The following ODAD2 variants were observed in gnomAD, a reference collection of about 807,000 sequenced individuals.
ODAD2 encodes outer dynein arm-docking complex subunit 2.
A neutral mutation model predicts 106.8 loss-of-function variants in ODAD2; 89 were observed. That is an observed-to-expected ratio of 0.83 (90% CI 0.70 to 0.99). The LOEUF (loss-of-function observed/expected upper bound fraction) is 0.99, where lower values mean the gene tolerates loss of function less well. ODAD2 is among the 50% of genes least tolerant of loss of function. The probability of loss-of-function intolerance (pLI) is 0.00; values close to 1 mark genes in which losing one functional copy is unlikely to be tolerated. For synonymous variants in ODAD2, 404 were observed against 436.2 expected (o/e 0.93, Z 0.92); for missense variants, 1,168 against 1,238.5 (o/e 0.94, Z 0.85).
At chr10:27,812,782 G>C (rs892708100) in intron 19 of ODAD2, among the ~76,000 whole-genome samples, 157 bp from the exon 20 acceptor site, 2 of 152,188 alleles carry the variant, frequency 1.3e-5, no homozygotes, top group Non-Finnish European at 2.9e-5. Context: ...AATATAAACA[G>C]TGTTTAATCT....
At chr10:27,985,702 T>A (rs1849836275) in intron 3 of ODAD2, among the ~76,000 whole-genome samples, 3 of 152,058 alleles carry the variant, frequency 2.0e-5, no homozygotes, top group African/African-American at 7.2e-5. Flanking sequence ...TAGCACTCTT[T>A]TGCAAGTATT....
At chr10:27,885,837 A>G (rs1842168748) in intron 17 of ODAD2, among the ~76,000 whole-genome samples, 1 of 100,098 alleles carries the variant, frequency 1.0e-5, no homozygotes, top group African/African-American at 4.0e-5. Context: ...AAATATATAT[A>G]TTTGTTTGGA....
At chr10:27,830,640 A>C (rs1442906908) in intron 19 of ODAD2, among the ~76,000 whole-genome samples, 1 of 152,230 alleles carries the variant, frequency 6.6e-6, no homozygotes, top group Non-Finnish European at 1.5e-5. Flanking sequence ...CCCTAAAATG[A>C]TACATGAAGA....
At position 27,940,430 on chromosome 10, in the gene ODAD2, T is replaced by C. The variant is rs537982087; in HGVS notation, c.1986+133A>G. The C allele has an allele frequency of 6.8e-6, 7 of 1,033,132 alleles. No individual in the cohort carries two copies. In the South Asian group the frequency reaches 1.2e-4, roughly 17 times the overall value. 64.0% of individuals were successfully genotyped at this position (1,033,132 alleles called of 1,614,324 possible). On this transcript the variant is annotated intron_variant, in intron 13 of 19. Coordinates refer to ENST00000305242, the MANE Select transcript of ODAD2 (RefSeq NM_018076.5). ...TTTAATTAACGTCCTATCAGTTGGA[T>C]CTTCTCTTTCTCATAGAATGCTGAC...
Position 27,971,679 on chromosome 10 carries a change from C to T in ODAD2, c.937-366G>A, listed in dbSNP as rs138486505. On this transcript the variant is annotated intron_variant, in intron 7 of 19. Coordinates refer to ENST00000305242, the MANE Select transcript of ODAD2 (RefSeq NM_018076.5). The stretch of plus-strand genomic sequence containing the variant: ...ACATCTTGAAGGTAGACAGGTATGA[C>T]ATATTACAGAGGAATGAACATAAGA... 4.3e-3 allele frequency among the ~76,000 whole-genome samples: 656 copies of T among 152,230 alleles called. 10 individuals carry two copies. The highest frequency in any genetic ancestry group is 0.015 in the African/African-American group (631 of 41,538).
chr10:27,959,859 A>T (rs1262186628), intron 10 of ODAD2, among the ~76,000 whole-genome samples: 1 of 152,120 alleles, frequency 6.6e-6, no homozygotes, highest in Non-Finnish European at 1.5e-5. Flanking sequence ...GGTTTTCTGT[A>T]AAAAAACTTA....
chr10:27,952,804 G>C (rs1847452109), intron 10 of ODAD2, among the ~76,000 whole-genome samples: 2 of 152,080 alleles, frequency 1.3e-5, no homozygotes, highest in South Asian at 4.1e-4. Flanking sequence ...GAAAACTATT[G>C]GTATGTTACT....
At chr10:27,943,795 C>CAAAAAAAAAAAAAAAAAAAA (rs56059926) in intron 12 of ODAD2, among the ~76,000 whole-genome samples, 1 of 58,624 alleles carries the variant, frequency 1.7e-5, no homozygotes, top group Non-Finnish European at 2.9e-5. Context: ...GGCTCTGTCT[C>CAAAAAAAAAAAAAAAAAAAA]AAAAAAAAAA....
chr10:27,877,525 TTTC>T (rs200634787), intron 17 of ODAD2, among the ~76,000 whole-genome samples: 1,857 of 152,318 alleles, frequency 0.012, 19 homozygotes, highest in Middle Eastern at 0.048. Flanking sequence ...ATTTCTTTCT[TTTC>T]TTTTTTCCTT....
rs1564466289 is a variant in ODAD2, at chr10:27,885,715, TATATATTATA to T, written c.2610+21938_2610+21947del. The stretch of plus-strand genomic sequence containing the variant: ...TATATAATATATATAAAATATATAT[TATATATTATA>T]TATAAAATATATTATGTTATATATA... On this transcript the variant is annotated intron_variant, in intron 17 of 19. Transcript: ENST00000305242. Among the ~76,000 whole-genome samples, 180 of 36,588 alleles carry T rather than the reference TATATATTATA, an allele frequency of 4.9e-3. 5 individuals are homozygous for T. The highest frequency in any genetic ancestry group is 0.015 in the African/African-American group (170 of 11,566). 24.0% of individuals were successfully genotyped at this position (36,588 alleles called of 152,430 possible). A position where few individuals can be genotyped will look rare whatever the true frequency, so the allele number is the denominator to read the frequency against.
intron 17 of ODAD2, among the ~76,000 whole-genome samples, chr10:27,872,562 T>G (rs1464153961): frequency 2.6e-5 from 4 of 152,210 alleles, no homozygotes; most frequent in Admixed American, 6.5e-5. Context: ...GTTTTTAGCA[T>G]GAAGTGCTGT....
chr10:27,878,679 T>C (rs1841508183), intron 17 of ODAD2, among the ~76,000 whole-genome samples: 1 of 152,166 alleles, frequency 6.6e-6, no homozygotes, highest in Admixed American at 6.5e-5. Flanking sequence ...TAGAATAGCA[T>C]GTCAGAGAAG....
chr10:27,814,808 T>G (rs1222961804), intron 19 of ODAD2, among the ~76,000 whole-genome samples: 1 of 152,180 alleles, frequency 6.6e-6, no homozygotes, highest in Non-Finnish European at 1.5e-5. Context: ...TGTCCATAAA[T>G]CCAACTCTGT....
intron 16 of ODAD2, among the ~76,000 whole-genome samples, chr10:27,909,089 A>T (rs1843799834): frequency 6.6e-6 from 1 of 152,214 alleles, no homozygotes; most frequent in Non-Finnish European, 1.5e-5. Context: ...TAAATTGAAA[A>T]GTCATACTGC....
intron 15 of ODAD2, 59 bp from the exon 16 acceptor site, chr10:27,935,311 C>T: frequency 1.3e-6 from 2 of 1,590,436 alleles, no homozygotes; most frequent in Non-Finnish European, 1.7e-6. Flanking sequence ...CTAAAAATTA[C>T]TAAATGTTCA....
intron 17 of ODAD2, among the ~76,000 whole-genome samples, chr10:27,900,330 C>A (rs1350547350): frequency 6.6e-6 from 1 of 152,084 alleles, no homozygotes; most frequent in East Asian, 1.9e-4. Flanking sequence ...CCTCAAAGAC[C>A]AAAGGTAGAT....
At chr10:27,842,836 C>CTAAT (rs1564417729) in intron 19 of ODAD2, among the ~76,000 whole-genome samples, 2 of 152,220 alleles carry the variant, frequency 1.3e-5, no homozygotes, top group East Asian at 3.9e-4. Context: ...ATTACTAAAG[C>CTAAT]TAATTATACA....
chr10:27,933,903 C>T (rs1035442369), intron 16 of ODAD2, among the ~76,000 whole-genome samples: 7 of 152,098 alleles, frequency 4.6e-5, no homozygotes, highest in Non-Finnish European at 7.4e-5. Flanking sequence ...GTATAAGATA[C>T]GTGGTTAGAC....
intron 9 of ODAD2, among the ~76,000 whole-genome samples, chr10:27,963,011 CT>C (rs375508125): frequency 0.062 from 8,819 of 141,954 alleles, 356 homozygotes; most frequent in East Asian, 0.2. Context: ...GCCCTGTGTA[CT>C]TTTTTTTTTT....
Sources: allele counts gnomAD v4.1 joint callset (sites outside exome capture counted in the v4.1 genomes callset), GRCh38; gene constraint gnomAD v4.1.1; transcripts MANE v1.5; gene names NCBI Gene and HGNC (gene_info 2026-07-23, HGNC 2026-07-21).